Variants in CSNK2A2IP observed in about 807,000 individuals in gnomAD.
CSNK2A2IP encodes the protein casein kinase 2 subunit alpha' interacting protein, also known as casein kinase II subunit alpha'-interacting protein.
the CSNK2A2IP span, among the ~76,000 whole-genome samples, chr3:88,349,075 C>T: frequency 6.6e-6 from 1 of 152,088 alleles, no homozygotes; most frequent in South Asian, 2.1e-4. Context: ...ATGTTTCTCT[C>T]CCCCTTTCCA....
the CSNK2A2IP span, among the ~76,000 whole-genome samples, chr3:88,369,882 C>G: frequency 6.6e-6 from 1 of 151,894 alleles, no homozygotes; most frequent in Non-Finnish European, 1.5e-5. Flanking sequence ...AGGCAAGAAA[C>G]CACCAAAAGG....
the CSNK2A2IP span, among the ~76,000 whole-genome samples, chr3:88,349,947 G>T: frequency 0.44 from 66,566 of 151,860 alleles, 15,835 homozygotes; most frequent in South Asian, 0.62. Context: ...TTACAATACT[G>T]TGGTAGTTCA....
the CSNK2A2IP span, among the ~76,000 whole-genome samples, chr3:88,357,040 A>G: frequency 6.6e-6 from 1 of 151,752 alleles, no homozygotes; most frequent in African/African-American, 2.4e-5. Flanking sequence ...GTTTGCAAAT[A>G]TTTTCTCCTG....
At chr3:88,404,240 C>A in the CSNK2A2IP span, among the ~76,000 whole-genome samples, 1 of 152,068 alleles carries the variant, frequency 6.6e-6, no homozygotes. Context: ...AACACAGAAA[C>A]ACAGTGAAAT....
the CSNK2A2IP span, among the ~76,000 whole-genome samples, chr3:88,447,697 A>G: frequency 6.6e-6 from 1 of 152,242 alleles, no homozygotes; most frequent in African/African-American, 2.4e-5. Context: ...AATGATACAT[A>G]GGCAGTAACT....
the CSNK2A2IP span, among the ~76,000 whole-genome samples, chr3:88,375,421 G>A: frequency 2.6e-5 from 4 of 151,738 alleles, no homozygotes; most frequent in Non-Finnish European, 5.9e-5. Flanking sequence ...AGCTATATTA[G>A]TATTTTAGAG....
the CSNK2A2IP span, among the ~76,000 whole-genome samples, chr3:88,419,063 C>G: frequency 6.5e-3 from 990 of 152,242 alleles, 13 homozygotes; most frequent in African/African-American, 0.022. Flanking sequence ...TCTCCCATCA[C>G]CCCCAGATGG....
At chr3:88,394,563 G>A in the CSNK2A2IP span, among the ~76,000 whole-genome samples, 1 of 152,046 alleles carries the variant, frequency 6.6e-6, no homozygotes, top group Non-Finnish European at 1.5e-5. Flanking sequence ...TAGTAGAAAC[G>A]GGGTTTCACC....
the CSNK2A2IP span, among the ~76,000 whole-genome samples, chr3:88,446,731 C>T: frequency 1.3e-5 from 2 of 152,090 alleles, no homozygotes; most frequent in South Asian, 2.1e-4. Context: ...TGTGAGAATG[C>T]GATGAATTCT....
chr3:88,451,041 A>G, the CSNK2A2IP span, among the ~76,000 whole-genome samples: 1 of 152,138 alleles, frequency 6.6e-6, no homozygotes, highest in Non-Finnish European at 1.5e-5. Flanking sequence ...GATAATATCC[A>G]TCTTAACAAA....
the CSNK2A2IP span, among the ~76,000 whole-genome samples, chr3:88,438,622 C>T: frequency 6.6e-6 from 1 of 152,186 alleles, no homozygotes; most frequent in Non-Finnish European, 1.5e-5. Context: ...AGAATCCAGA[C>T]AGGCCTCACC....
At chr3:88,442,207 A>T in the CSNK2A2IP span, among the ~76,000 whole-genome samples, 16 of 152,150 alleles carry the variant, frequency 1.1e-4, no homozygotes, top group Middle Eastern at 0.027. Flanking sequence ...GAATTTTTTT[A>T]AAATTTTTTC....
the CSNK2A2IP span, chr3:88,465,981 A>C: frequency 8.1e-7 from 1 of 1,231,652 alleles, no homozygotes. Flanking sequence ...GACCCAAACG[A>C]AAAGCCCTTA....
chr3:88,414,425 G>A, the CSNK2A2IP span, among the ~76,000 whole-genome samples: 1 of 151,106 alleles, frequency 6.6e-6, no homozygotes, highest in Non-Finnish European at 1.5e-5. Context: ...TGGGACTACA[G>A]GCGTGCCCCA....
the CSNK2A2IP span, among the ~76,000 whole-genome samples, chr3:88,414,475 G>T: frequency 1.3e-5 from 2 of 151,220 alleles, no homozygotes; most frequent in Non-Finnish European, 2.9e-5. Context: ...TAGAGACAGG[G>T]TTTCACCATG....
At chr3:88,451,473 A>G in the CSNK2A2IP span, among the ~76,000 whole-genome samples, 4 of 150,998 alleles carry the variant, frequency 2.6e-5, no homozygotes, top group African/African-American at 9.7e-5. Flanking sequence ...TATAAATTTT[A>G]AATATGAACT....
the CSNK2A2IP span, chr3:88,431,275 T>C: frequency 6.6e-6 from 1 of 152,356 alleles, no homozygotes; most frequent in South Asian, 2.1e-4. Flanking sequence ...CTTTCCTTTT[T>C]CCCTTCTTCT....
At chr3:88,438,285 T>C in the CSNK2A2IP span, among the ~76,000 whole-genome samples, 1 of 152,176 alleles carries the variant, frequency 6.6e-6, no homozygotes, top group South Asian at 2.1e-4. Flanking sequence ...TATGGTGGTT[T>C]GGTATGCTGA....
chr3:88,458,140 G>GTTTT, the CSNK2A2IP span, among the ~76,000 whole-genome samples: 3 of 104,304 alleles, frequency 2.9e-5, no homozygotes, highest in African/African-American at 1.1e-4. Context: ...TTGTAATTGT[G>GTTTT]GTTTTTTTTT....
Sources: allele counts gnomAD v4.1 joint callset (sites outside exome capture counted in the v4.1 genomes callset), GRCh38; gene constraint gnomAD v4.1.1; transcripts MANE v1.5; gene names NCBI Gene and HGNC (gene_info 2026-07-23, HGNC 2026-07-21).